The following HS3ST4 variants were observed in gnomAD, a reference collection of about 807,000 sequenced individuals.
The protein encoded by HS3ST4 is heparan sulfate glucosamine 3-O-sulfotransferase 4.
HS3ST4 carries 17 observed loss-of-function variants against 29.2 expected under a neutral mutation model. The observed-to-expected ratio is 0.58, with a 90% confidence interval of 0.40 to 0.87. HS3ST4 has a LOEUF of 0.87. Among genes scored for constraint, HS3ST4 ranks in the 40% least tolerant of loss-of-function variants. The probability of loss-of-function intolerance (pLI) is 0.00; values close to 1 mark genes in which losing one functional copy is unlikely to be tolerated. For missense variants in HS3ST4, 627 were observed against 634.5 expected (o/e 0.99, Z 0.13); for synonymous variants, 314 against 285.7 (o/e 1.10, Z -1.00).
chr16:25,903,302 G>GTATGTATATGTATACATTATATACA (rs1968138479), intron 1 of HS3ST4, among the ~76,000 whole-genome samples: 1 of 103,500 alleles, frequency 9.7e-6, no homozygotes, highest in Non-Finnish European at 2.0e-5. Context: ...GTGTGTGTGT[G>GTATGTATATGTATACATTATATACA]TATGTATATG....
chr16:25,744,349 C>T (rs2141598955), intron 1 of HS3ST4, among the ~76,000 whole-genome samples: 1 of 152,244 alleles, frequency 6.6e-6, no homozygotes, highest in African/African-American at 2.4e-5. Context: ...ATTCTGTCAC[C>T]TAGTACACTG....
chr16:26,091,536 T>G (rs1302323185), intron 1 of HS3ST4, among the ~76,000 whole-genome samples: 4 of 152,156 alleles, frequency 2.6e-5, no homozygotes, highest in Non-Finnish European at 4.4e-5. Flanking sequence ...TTCATGATAC[T>G]CTAGATATAC....
intron 1 of HS3ST4, among the ~76,000 whole-genome samples, chr16:25,858,961 G>A (rs545722227): frequency 4.6e-5 from 7 of 151,946 alleles, no homozygotes; most frequent in African/African-American, 1.7e-4. Flanking sequence ...TTTAGTTTGG[G>A]TTTGGAACTC....
chr16:25,744,529 G>C (rs530402936), intron 1 of HS3ST4, among the ~76,000 whole-genome samples: 2 of 150,746 alleles, frequency 1.3e-5, no homozygotes, highest in Non-Finnish European at 3.0e-5. Flanking sequence ...ATTAGGCATG[G>C]TGTAACATGG....
chr16:26,136,004 G>C lies in HS3ST4; in HGVS notation c.1127G>C (p.Gly376Ala). ...ATGGCCAAAGTACAGGATTTTCTAG[G>C]CCTCAAACGTGTTGTGACTGAGAAG... ...GEMAKVQDFL[G>A]LKRVVTEKHF... Residue 376 changes from glycine to alanine, a missense_variant, in exon 2 of 2, where the codon GGC becomes GCC. This residue lies in a region of HS3ST4 where 225 missense variants were observed against 293.7 expected (regional missense o/e 0.77). Coordinates refer to ENST00000331351, the MANE Select transcript of HS3ST4 (RefSeq NM_006040.3). 6.2e-7 allele frequency: 1 copy of C among 1,613,944 alleles called. No homozygotes were observed. The highest frequency in any genetic ancestry group is 8.5e-7 in the Non-Finnish European group (1 of 1,179,884).
At chr16:25,916,873 G>T (rs961518086) in intron 1 of HS3ST4, among the ~76,000 whole-genome samples, 1 of 151,794 alleles carries the variant, frequency 6.6e-6, no homozygotes, top group Non-Finnish European at 1.5e-5. Context: ...TAGACACGGG[G>T]TTTCACCGTG....
intron 1 of HS3ST4, among the ~76,000 whole-genome samples, chr16:25,893,060 C>T (rs1032031113): frequency 7.2e-5 from 11 of 151,944 alleles, no homozygotes; most frequent in Non-Finnish European, 1.0e-4. Context: ...TGTGTGAAGG[C>T]GCAGGTGGAG....
chr16:25,849,620 T>C (rs560441809), intron 1 of HS3ST4, among the ~76,000 whole-genome samples: 11 of 152,238 alleles, frequency 7.2e-5, no homozygotes, highest in African/African-American at 2.6e-4. Context: ...TCTTTGCACC[T>C]CAGCCTCTAG....
chr16:25,755,256 T>C (rs1361477923), intron 1 of HS3ST4, among the ~76,000 whole-genome samples: 1 of 152,120 alleles, frequency 6.6e-6, no homozygotes, highest in East Asian at 1.9e-4. Context: ...TCCATACTAT[T>C]AAAAGAGTCA....
chr16:25,955,003 G>A (rs1968715428), intron 1 of HS3ST4, among the ~76,000 whole-genome samples: 2 of 152,182 alleles, frequency 1.3e-5, no homozygotes, highest in Admixed American at 6.5e-5. Context: ...AAGGTCAGTG[G>A]CAGCTTTTCA....
At chr16:25,800,657 G>C (rs918551550) in intron 1 of HS3ST4, among the ~76,000 whole-genome samples, 1 of 152,084 alleles carries the variant, frequency 6.6e-6, no homozygotes, top group African/African-American at 2.4e-5. Context: ...TCTCTTAGAT[G>C]ATGCTGTTGT....
chr16:25,958,388 G>T (rs1239247720), intron 1 of HS3ST4, among the ~76,000 whole-genome samples: 2 of 152,162 alleles, frequency 1.3e-5, no homozygotes, highest in Non-Finnish European at 2.9e-5. Flanking sequence ...CTGGAGTGCA[G>T]TGGTGTGATC....
At chr16:25,920,341 T>C (rs1258979550) in intron 1 of HS3ST4, among the ~76,000 whole-genome samples, 1 of 152,156 alleles carries the variant, frequency 6.6e-6, no homozygotes, top group African/African-American at 2.4e-5. Context: ...TCTGGCTCCA[T>C]CAAAGCCGTA....
chr16:25,818,083 A>G (rs186066791), intron 1 of HS3ST4, among the ~76,000 whole-genome samples: 2 of 152,324 alleles, frequency 1.3e-5, no homozygotes, highest in Admixed American at 1.3e-4. Flanking sequence ...TCCAGATGGA[A>G]TAGTGTGAGG....
intron 1 of HS3ST4, among the ~76,000 whole-genome samples, chr16:25,942,097 CG>C (rs1968577979): frequency 6.6e-6 from 1 of 152,088 alleles, no homozygotes; most frequent in Non-Finnish European, 1.5e-5. Context: ...AGAATCAGCT[CG>C]CATCACTTGG....
At chr16:25,741,964 T>TA (rs921430689) in intron 1 of HS3ST4, among the ~76,000 whole-genome samples, 2 of 151,900 alleles carry the variant, frequency 1.3e-5, no homozygotes, top group African/African-American at 4.8e-5. Context: ...GATCTATGGT[T>TA]AAAAAAAAGA....
At chr16:26,033,444 G>A (rs773020186) in intron 1 of HS3ST4, among the ~76,000 whole-genome samples, 10 of 151,122 alleles carry the variant, frequency 6.6e-5, no homozygotes, top group Non-Finnish European at 1.5e-4. Flanking sequence ...GAACCTGGGA[G>A]GCGGAGATTG....
intron 1 of HS3ST4, among the ~76,000 whole-genome samples, chr16:25,929,238 T>G (rs376112344): frequency 4.1e-4 from 63 of 152,048 alleles, no homozygotes; most frequent in African/African-American, 1.5e-3. Flanking sequence ...AAAAATTAGC[T>G]GGGTGTGATG....
intron 1 of HS3ST4, among the ~76,000 whole-genome samples, chr16:25,939,636 G>A (rs1345536189): frequency 6.6e-6 from 1 of 152,084 alleles, no homozygotes; most frequent in Non-Finnish European, 1.5e-5. Flanking sequence ...ACCGTACCCG[G>A]CCATTATTTT....
Sources: allele counts gnomAD v4.1 joint callset (sites outside exome capture counted in the v4.1 genomes callset), GRCh38; gene constraint gnomAD v4.1.1; regional missense constraint gnomAD v4.1.1; transcripts MANE v1.5; gene names NCBI Gene and HGNC (gene_info 2026-07-23, HGNC 2026-07-21).